Variants in FADS2 observed in about 807,000 individuals in gnomAD.
The protein encoded by FADS2 is acyl-CoA 6-desaturase.
In FADS2, 18 loss-of-function variants were observed where a neutral mutation model predicts 61.2. The ratio of observed to expected loss-of-function variants is 0.29; its 90% CI spans 0.20 to 0.44. The LOEUF is 0.44. Ranked by LOEUF, FADS2 falls within the 20% of genes least tolerant of loss-of-function variation. FADS2 has a pLI of 1.00. For synonymous variants in FADS2, 203 were observed against 223.9 expected (o/e 0.91, Z 0.83); for missense variants, 322 against 572.7 (o/e 0.56, Z 4.47).
rs369207220 is a variant in FADS2 at position 61,862,999 on chromosome 11, A to G, written c.910A>G (p.Ile304Val). ...CCTGGCCTGGGCCGTCAGCTACTAC[A>G]TCCGGTTCTTCATCACCTACATCCC... ...VDLAWAVSYY[I>V]RFFITYIPFY... The change falls in exon 8 of 12, where the codon ATC becomes GTC. Residue 304 changes from isoleucine (I) to valine (V), a missense_variant. Coordinates refer to ENST00000278840, the MANE Select transcript of FADS2 (RefSeq NM_004265.4). The G allele has an allele frequency of 1.2e-5, 20 of 1,614,080 alleles. No homozygotes were observed. The highest frequency in any genetic ancestry group is 1.6e-5 in the Non-Finnish European group (19 of 1,180,048).
Position 61,833,109 on chromosome 11 carries a change from C to T in FADS2, c.207+4512C>T, listed in dbSNP as rs117534771. ...CTGGCAAAGAGCGAAGTGTGACAAGCGCTTCAGAATCAGGGTGTTCTGACC... is the reference window on the plus strand; with the variant it reads ...CTGGCAAAGAGCGAAGTGTGACAAGTGCTTCAGAATCAGGGTGTTCTGACC... On this transcript the variant is annotated intron_variant, in intron 1 of 11. Transcript: ENST00000278840. Among the ~76,000 whole-genome samples the T allele has an allele frequency of 6.0e-4, 91 of 152,314 alleles. 1 individual carries two copies. The East Asian group carries it at 0.017, about 29-fold the overall frequency.
At chr11:61,849,147 G>A (rs1239182393) in intron 5 of FADS2, among the ~76,000 whole-genome samples, 7 of 152,084 alleles carry the variant, frequency 4.6e-5, no homozygotes, top group East Asian at 1.9e-4. Flanking sequence ...TGCCTGCCTC[G>A]GCTTCCCAAA....
In FADS2 at chr11:61,816,816, G is replaced by A; in HGVS notation, c.141+390G>A. The A allele has an allele frequency of 1.3e-6, 2 of 1,494,026 alleles. No homozygotes were observed. The highest frequency in any genetic ancestry group is 1.8e-6 in the Non-Finnish European group (2 of 1,132,296). 92.5% of individuals were successfully genotyped at this position (1,494,026 alleles called of 1,614,324 possible). ...CAGGGGCTGTCAGGCGCGTGCTCGG[G>A]GTCCGCGGGCTCCAGGAGTGGATTT... On this transcript the variant is annotated intron_variant, in intron 1 of 11. Coordinates refer to the FADS2 transcript ENST00000257261. This position sits in a 1 kb window ranked among gnomAD's most constrained non-coding sequence, Gnocchi z 7.0.
intron 7 of FADS2, among the ~76,000 whole-genome samples, chr11:61,858,664 C>T (rs1242641422): frequency 6.6e-6 from 1 of 151,608 alleles, no homozygotes; most frequent in Non-Finnish European, 1.5e-5. Flanking sequence ...CGGCTCACTG[C>T]AACCTCCGCC....
chr11:61,858,476 G>T (rs1220850723), intron 7 of FADS2, among the ~76,000 whole-genome samples: 3 of 152,124 alleles, frequency 2.0e-5, no homozygotes, highest in Non-Finnish European at 4.4e-5. Flanking sequence ...ACCACGCCTG[G>T]CCTATTTTTT....
chr11:61,863,028 C>T lies in FADS2; in HGVS notation c.939C>T (p.Phe313=), dbSNP rs2067431139. 4 of 1,614,124 alleles carry T rather than the reference C, an allele frequency of 2.5e-6. No individual in the cohort carries two copies. Among genetic ancestry groups the T allele is most frequent in the Non-Finnish European group, 3.4e-6 (4 of 1,180,044 alleles). The change falls in exon 8 of 12, where the codon TTC becomes TTT. Residue 313 remains phenylalanine (F), a synonymous_variant. Transcript: ENST00000278840. The stretch of plus-strand genomic sequence containing the variant: ...GGTTCTTCATCACCTACATCCCTTT[C>T]TACGGCATCCTGGGAGCCCTCCTTT... The part of the protein sequence containing the change: ...YIRFFITYIP[F]YGILGALLFL...
At chr11:61,835,552 C>T (rs1490831920) in intron 1 of FADS2, among the ~76,000 whole-genome samples, 2 of 151,212 alleles carry the variant, frequency 1.3e-5, no homozygotes, top group African/African-American at 2.4e-5. Flanking sequence ...TGCCACCACA[C>T]CTGGCTAATT....
upstream of FADS2, among the ~76,000 whole-genome samples, chr11:61,824,492 A>G (rs56837744): frequency 0.19 from 2,120 of 11,230 alleles, 589 homozygotes; most frequent in East Asian, 0.74. Flanking sequence ...GAGAGAGAGA[A>G]AGAAAGAAAG....
chr11:61,822,592 G>T (rs539673025), intron 1 of FADS2, among the ~76,000 whole-genome samples: 1 of 152,294 alleles, frequency 6.6e-6, no homozygotes, highest in South Asian at 2.1e-4. Flanking sequence ...GGGAGGCCTG[G>T]GTAGGTAGGT....
At chr11:61,847,828 T>G (rs1460262881) in intron 4 of FADS2, 1 of 337,638 alleles carries the variant, frequency 3.0e-6, no homozygotes, top group Non-Finnish European at 5.8e-6. Context: ...CAGCTCTGGT[T>G]CCACACCTGG....
chr11:61,844,721 C>A (rs1016856271), intron 4 of FADS2, among the ~76,000 whole-genome samples: 1 of 151,604 alleles, frequency 6.6e-6, no homozygotes, highest in Non-Finnish European at 1.5e-5. Flanking sequence ...GTCAGAAGAT[C>A]GAGACCATCC....
chr11:61,853,145 A>G (rs1371957297), intron 5 of FADS2, among the ~76,000 whole-genome samples: 4 of 143,774 alleles, frequency 2.8e-5, no homozygotes, highest in African/African-American at 1.1e-4. Context: ...ACAGAGTGAG[A>G]CTCCGTCTCA....
chr11:61,853,290 C>CCCTTCCTCCCTTCCTTCCTTCCTT (rs1565334572), intron 5 of FADS2, among the ~76,000 whole-genome samples: 21 of 81,746 alleles, frequency 2.6e-4, no homozygotes, highest in Admixed American at 2.6e-4. Flanking sequence ...CTCCCTCCCT[C>CCCTTCCTCCCTTCCTTCCTTCCTT]CCTTCCTTCC....
chr11:61,865,435 G>T lies in FADS2; in HGVS notation c.1283+158G>T. The stretch of plus-strand genomic sequence containing the variant: ...AGGAGCTGTTGGGCTTTTCTCCCTG[G>T]GCTGCGAGAAGACCATCCCTTTCTG... On this transcript the variant is annotated intron_variant, in intron 11 of 11. Transcript: ENST00000278840. This position sits in a 1 kb window ranked among gnomAD's most constrained non-coding sequence, Gnocchi z 4.1. 9.6e-7 allele frequency: 1 copy of T among 1,040,138 alleles called. No homozygotes were observed. The highest frequency in any genetic ancestry group is 2.5e-5 in the Admixed American group (1 of 40,266). 64.4% of individuals were successfully genotyped at this position (1,040,138 alleles called of 1,614,324 possible).
upstream of FADS2, among the ~76,000 whole-genome samples, chr11:61,827,038 T>C (rs139975653): frequency 1.3e-5 from 2 of 152,268 alleles, no homozygotes; most frequent in East Asian, 3.9e-4. This position sits in a 1 kb window ranked among gnomAD's most constrained non-coding sequence, Gnocchi z 4.5. Flanking sequence ...ATAACTCCTC[T>C]AGTGATTCCC....
chr11:61,817,089 C>T lies in FADS2; in HGVS notation c.141+663C>T, dbSNP rs1020631831. ...CAGGCGGGCATCGCGGCGTTGGCTC[C>T]CAGGGGGCGCCGCGGTAGGAACAGC... On this transcript the variant is annotated intron_variant, in intron 1 of 11. Coordinates refer to the FADS2 transcript ENST00000257261. 18 of 793,420 alleles carry T rather than the reference C, an allele frequency of 2.3e-5. No homozygotes were observed. In the African/African-American group the frequency reaches 3.1e-4, roughly 14 times the overall value. 49.1% of individuals were successfully genotyped at this position (793,420 alleles called of 1,614,324 possible).
At chr11:61,828,173 C>G, upstream of FADS2, 1 of 1,411,944 alleles carries the variant, frequency 7.1e-7, no homozygotes, top group East Asian at 2.7e-5. This position sits in a 1 kb window ranked among gnomAD's most constrained non-coding sequence, Gnocchi z 6.4. Flanking sequence ...CTTGGGGGCA[C>G]TGGGAAGCCA....
chr11:61,827,945 A>G, upstream of FADS2: 1 of 748,312 alleles, frequency 1.3e-6, no homozygotes. The surrounding 1 kb of genome is among the most constrained non-coding windows in gnomAD (Gnocchi z 4.5). Flanking sequence ...TCCTGGGCCA[A>G]TGGCAGGCGG....
chr11:61,842,738 G>A lies in FADS2; in HGVS notation c.618+2013G>A, dbSNP rs142822932. 1.3e-3 allele frequency among the ~76,000 whole-genome samples: 203 copies of A among 152,376 alleles called. 3 individuals carry two copies. The Middle Eastern group carries it at 0.014, about 10-fold the overall frequency. On this transcript the variant is annotated intron_variant, in intron 4 of 11. Coordinates refer to ENST00000278840, the MANE Select transcript of FADS2 (RefSeq NM_004265.4). ...ACATGGACATGTGGCTCACTCAGGGGTGCCCCAGAGCACGGAGGTCAAGCT... is the reference window on the plus strand; with the variant it reads ...ACATGGACATGTGGCTCACTCAGGGATGCCCCAGAGCACGGAGGTCAAGCT...
Sources: allele counts gnomAD v4.1 joint callset (sites outside exome capture counted in the v4.1 genomes callset), GRCh38; gene constraint gnomAD v4.1.1; non-coding constraint Gnocchi (gnomAD v3.1); transcripts MANE v1.5; gene names NCBI Gene and HGNC (gene_info 2026-07-23, HGNC 2026-07-21).